Variants in LMBR1 observed in about 807,000 individuals in gnomAD.
The protein encoded by LMBR1 is limb development membrane protein 1, also known as limb region 1 protein homolog.
Under a neutral mutation model 73.9 loss-of-function variants are expected in LMBR1, and 52 were observed. The ratio of observed to expected loss-of-function variants is 0.70; its 90% CI spans 0.56 to 0.89. The LOEUF is 0.89. Ranked by LOEUF, LMBR1 falls within the 40% of genes least tolerant of loss-of-function variation. The probability of loss-of-function intolerance (pLI) is 0.00; values close to 1 mark genes in which losing one functional copy is unlikely to be tolerated. For missense variants in LMBR1, 539 were observed against 579.8 expected, an observed-to-expected ratio of 0.93 and a Z score of 0.72; for synonymous variants, 215 against 209.4, an observed-to-expected ratio of 1.03 and a Z score of -0.23.
chr7:156,687,637 C>T (rs1483523727), intron 16 of LMBR1, among the ~76,000 whole-genome samples: 1 of 152,070 alleles, frequency 6.6e-6, no homozygotes, highest in Non-Finnish European at 1.5e-5. Context: ...AAAATCCAAG[C>T]CTCAAAAAAG....
chr7:156,715,614 C>T (rs1388654809), intron 15 of LMBR1, among the ~76,000 whole-genome samples: 1 of 152,180 alleles, frequency 6.6e-6, no homozygotes, highest in African/African-American at 2.4e-5. Flanking sequence ...AATGAATAAT[C>T]TATACTCATT....
At position 156,779,912 on chromosome 7, in the gene LMBR1, A is replaced by C. The variant is rs180683190; in HGVS notation, c.424-16117T>G. Among the ~76,000 whole-genome samples, 239 of 152,380 alleles carry C rather than the reference A, an allele frequency of 1.6e-3. 2 individuals are homozygous for C. Among genetic ancestry groups the C allele is most frequent in the African/African-American group, 5.6e-3 (233 of 41,596 alleles). On this transcript the variant is annotated intron_variant, in intron 5 of 16. Coordinates refer to ENST00000353442, the MANE Select transcript of LMBR1 (RefSeq NM_022458.4). ...CTCAGCATGGCATCAAGATTGCACC[A>C]AACATATACACAGTCATCAGGGGAA...
intron 4 of LMBR1, among the ~76,000 whole-genome samples, chr7:156,825,284 C>A (rs1416816417): frequency 6.6e-6 from 1 of 152,156 alleles, no homozygotes; most frequent in Non-Finnish European, 1.5e-5. Flanking sequence ...ACTATTAACA[C>A]TGATAACACC....
In LMBR1 at chr7:156,687,958, A is replaced by T. The variant is rs1380856862; in HGVS notation, c.1387+72T>A. On this transcript the variant is annotated intron_variant, in intron 16 of 16. Transcript: ENST00000353442. Reference sequence around the variant, plus strand: ...AATTTGGGAAACTAAATAGCTGAAGATGTAATATTAACTCAAATGTCAAAA... The same window carrying T: ...AATTTGGGAAACTAAATAGCTGAAGTTGTAATATTAACTCAAATGTCAAAA... 10 of 1,329,272 alleles carry T rather than the reference A, an allele frequency of 7.5e-6. No individual in the cohort carries two copies. The African/African-American group carries it at 1.2e-4, about 16-fold the overall frequency. 82.3% of individuals were successfully genotyped at this position (1,329,272 alleles called of 1,614,324 possible).
chr7:156,817,718 A>C (rs187847561), intron 4 of LMBR1, among the ~76,000 whole-genome samples: 7 of 152,358 alleles, frequency 4.6e-5, no homozygotes, highest in Non-Finnish European at 8.8e-5. Context: ...AATACCAAAA[A>C]AAAATGCATA....
chr7:156,740,206 C>T (rs1818640624), intron 9 of LMBR1, among the ~76,000 whole-genome samples: 1 of 150,936 alleles, frequency 6.6e-6, no homozygotes, highest in South Asian at 2.1e-4. Context: ...ATAGTGGAGA[C>T]AAAAGAAAAA....
intron 5 of LMBR1, among the ~76,000 whole-genome samples, chr7:156,765,203 A>T (rs1366781012): frequency 6.6e-6 from 1 of 152,138 alleles, no homozygotes; most frequent in Non-Finnish European, 1.5e-5. Flanking sequence ...TCCCCACCCA[A>T]ATCTCATCTC....
At chr7:156,748,905 A>G (rs1411142280) in intron 9 of LMBR1, among the ~76,000 whole-genome samples, 4 of 152,218 alleles carry the variant, frequency 2.6e-5, no homozygotes, top group African/African-American at 7.2e-5. Context: ...CTGATTTTAT[A>G]TTAGCATATA....
intron 5 of LMBR1, among the ~76,000 whole-genome samples, chr7:156,778,810 T>C (rs1026607729): frequency 9.9e-5 from 15 of 152,192 alleles, no homozygotes; most frequent in African/African-American, 3.6e-4. Flanking sequence ...ATGAAAAGCA[T>C]TGTGAGCACT....
At chr7:156,749,722 C>T (rs1289755271) in intron 9 of LMBR1, among the ~76,000 whole-genome samples, 1 of 152,130 alleles carries the variant, frequency 6.6e-6, no homozygotes, top group East Asian at 1.9e-4. Context: ...TGGAGTCTCG[C>T]TCTGTTGCCC....
At chr7:156,770,911 CTCAGAAACAAATAAATAAAACAAA>C (rs1825054932) in intron 5 of LMBR1, among the ~76,000 whole-genome samples, 1 of 151,766 alleles carries the variant, frequency 6.6e-6, no homozygotes, top group East Asian at 1.9e-4. Flanking sequence ...GAAATCCTGT[CTCAGAAACAAATAAATAAAACAAA>C]ATACAACAGG....
intron 5 of LMBR1, 138 bp from the exon 6 acceptor site, chr7:156,763,933 G>C: frequency 3.6e-6 from 2 of 556,824 alleles, no homozygotes; most frequent in Non-Finnish European, 5.8e-6. Context: ...AAAAACACTA[G>C]GTACTTATGG....
intron 1 of LMBR1, among the ~76,000 whole-genome samples, chr7:156,838,803 T>C (rs896994044): frequency 1.3e-5 from 2 of 152,186 alleles, no homozygotes; most frequent in African/African-American, 4.8e-5. Flanking sequence ...CACTGTTTTT[T>C]ATAACGGCCA....
chr7:156,720,576 G>A (rs1378197400), intron 15 of LMBR1, among the ~76,000 whole-genome samples: 1 of 151,942 alleles, frequency 6.6e-6, no homozygotes, highest in Non-Finnish European at 1.5e-5. Context: ...GATCTCAACT[G>A]TATATATAAG....
intron 15 of LMBR1, among the ~76,000 whole-genome samples, chr7:156,708,452 A>C (rs1451826730): frequency 6.6e-6 from 1 of 151,980 alleles, no homozygotes; most frequent in Admixed American, 6.5e-5. Context: ...AAAAAATAAA[A>C]GCAGCATCAG....
At chr7:156,712,899 A>G (rs575561517) in intron 15 of LMBR1, among the ~76,000 whole-genome samples, 2 of 152,322 alleles carry the variant, frequency 1.3e-5, no homozygotes, top group East Asian at 3.9e-4. Flanking sequence ...GAAATTATTT[A>G]ATGGGCATAG....
chr7:156,737,374 T>C (rs752762995), intron 9 of LMBR1, among the ~76,000 whole-genome samples: 2 of 152,210 alleles, frequency 1.3e-5, no homozygotes, highest in Middle Eastern at 3.2e-3. Flanking sequence ...TTTTAAACTA[T>C]GTAGGATCTT....
intron 1 of LMBR1, among the ~76,000 whole-genome samples, chr7:156,888,309 C>G (rs1157736057): frequency 6.6e-6 from 1 of 150,636 alleles, no homozygotes; most frequent in Non-Finnish European, 1.5e-5. Flanking sequence ...ACTCGGGAGG[C>G]TGAGGCAGGA....
chr7:156,822,665 G>C (rs1021684596), intron 4 of LMBR1: 1 of 151,160 alleles, frequency 6.6e-6, no homozygotes, highest in African/African-American at 2.4e-5. Context: ...TCAAATTCTG[G>C]AAAAAAGCAA....
Sources: gnomAD v4.1 joint callset for allele counts (sites outside exome capture counted in the v4.1 genomes callset) on GRCh38, gnomAD v4.1.1 for gene constraint, MANE v1.5 for transcripts, NCBI Gene and HGNC (gene_info 2026-07-23, HGNC 2026-07-21) for gene names.